The following CPA3 variants were observed in gnomAD, a reference collection of about 807,000 sequenced individuals.
The protein encoded by CPA3 is carboxypeptidase A3, also known as mast cell carboxypeptidase A.
A neutral mutation model predicts 55.8 loss-of-function variants in CPA3; 52 were observed. That is an observed-to-expected ratio of 0.93 (90% confidence interval 0.75 to 1.17). The LOEUF (loss-of-function observed/expected upper bound fraction) is 1.17. Among genes scored for constraint, CPA3 ranks in the 50% most tolerant of loss-of-function variants. The pLI is 0.00. For synonymous variants in CPA3, 179 were observed against 171.2 expected (o/e 1.05, Z -0.36); for missense variants, 547 against 509.1 (o/e 1.07, Z -0.72).
chr3:148,882,387 A>C, intron 7 of CPA3, 118 bp from the exon 8 acceptor site: 1 of 651,832 alleles, frequency 1.5e-6, no homozygotes, highest in Non-Finnish European at 2.6e-6. Flanking sequence ...AAAGGGCCTC[A>C]AGTTAACTAG....
In CPA3 at chr3:148,881,517, G is replaced by T; in HGVS notation, c.577-5G>T. On this transcript the variant is annotated splice_polypyrimidine_tract_variant and splice_region_variant and intron_variant, in intron 6 of 10. Transcript: ENST00000296046. ...AATAGCTTAATTTTTTTTCACCTCC[G>T]ACAGGCAACCAAAACTTATGGGAGA... 1 of 1,598,826 alleles carries T rather than the reference G, an allele frequency of 6.3e-7. No individual in the cohort carries two copies. Among genetic ancestry groups the T allele is most frequent in the Non-Finnish European group, 8.6e-7 (1 of 1,169,090 alleles).
At chr3:148,872,819 A>G (rs1714100957) in intron 3 of CPA3, among the ~76,000 whole-genome samples, 1 of 152,188 alleles carries the variant, frequency 6.6e-6, no homozygotes, top group South Asian at 2.1e-4. Flanking sequence ...GAAGGTAGGA[A>G]AGTGGGTTCT....
At chr3:148,879,986 GC>G (rs1714318900) in intron 6 of CPA3, 97 bp downstream of exon 6, 2 of 783,132 alleles carry the variant, frequency 2.6e-6, no homozygotes, top group Non-Finnish European at 4.4e-6. Context: ...ATTCCACTTA[GC>G]TAGAAGAGCC....
chr3:148,872,528 T>C (rs1422798759), intron 3 of CPA3, among the ~76,000 whole-genome samples: 2 of 152,158 alleles, frequency 1.3e-5, no homozygotes, highest in Non-Finnish European at 2.9e-5. Flanking sequence ...GCAAAAGAGA[T>C]CTATGCCAAA....
Position 148,878,425 on chromosome 3 carries a change from T to C in CPA3, c.270-16T>C, listed in dbSNP as rs374102630. The C allele has an allele frequency of 3.0e-5, 46 of 1,517,750 alleles. No homozygotes were observed. Among genetic ancestry groups the C allele is most frequent in the East Asian group, 1.8e-4 (8 of 44,366 alleles). The allele number at this position is 1,517,750 out of a possible 1,614,324, so 94.0% of individuals were successfully genotyped here. On this transcript the variant is annotated splice_polypyrimidine_tract_variant and intron_variant, in intron 3 of 10. Transcript: ENST00000296046. ...TCATGATAAAACATGTATTTTATCA[T>C]TCCCCTGTCAAACAGAATCTTGATT...
chr3:148,887,619 A>G (rs1479935289), intron 10 of CPA3, among the ~76,000 whole-genome samples: 3 of 152,202 alleles, frequency 2.0e-5, no homozygotes, highest in Non-Finnish European at 4.4e-5. Context: ...ATTAACTCAG[A>G]TCCTGGGAAG....
In CPA3 at chr3:148,878,448, A is replaced by T. The variant is rs1484749949; in HGVS notation, c.277A>T (p.Ile93Phe). The change falls in exon 4 of 11, where the codon ATT (isoleucine) becomes TTT (phenylalanine). Residue 93 changes from isoleucine to phenylalanine, a missense_variant. Physicochemically the swap from Ile to Phe is conservative, Grantham distance 21. Coordinates refer to ENST00000296046, the MANE Select transcript of CPA3 (RefSeq NM_001870.4). ...DQNKMHYEIL[I>F]HDLQEEIEKQ... Reference sequence around the variant, plus strand: ...CATTCCCCTGTCAAACAGAATCTTGATTCATGATCTACAAGAAGAGATTGA... The same window carrying T: ...CATTCCCCTGTCAAACAGAATCTTGTTTCATGATCTACAAGAAGAGATTGA... The T allele has an allele frequency of 6.2e-7, 1 of 1,604,980 alleles. No individual in the cohort carries two copies. Among genetic ancestry groups the T allele is most frequent in the Non-Finnish European group, 8.5e-7 (1 of 1,171,774 alleles).
chr3:148,880,162 T>C (rs1271305655), intron 6 of CPA3, among the ~76,000 whole-genome samples: 1 of 152,318 alleles, frequency 6.6e-6, no homozygotes, highest in South Asian at 2.1e-4. Context: ...TGTAGTCAAG[T>C]ATGGAAAATC....
At chr3:148,878,401 C>A in intron 3 of CPA3, 40 bp from the exon 4 acceptor site, 2 of 1,356,264 alleles carry the variant, frequency 1.5e-6, no homozygotes, top group Middle Eastern at 1.9e-4. Flanking sequence ...TTTCCTTTCT[C>A]ATGATAAAAC....
At chr3:148,873,912 G>A (rs1256559130) in intron 3 of CPA3, among the ~76,000 whole-genome samples, 2 of 152,168 alleles carry the variant, frequency 1.3e-5, no homozygotes, top group Non-Finnish European at 2.9e-5. Flanking sequence ...TCAATACTCA[G>A]TGATAATTAT....
chr3:148,888,167 T>C (rs535261164), intron 10 of CPA3, among the ~76,000 whole-genome samples: 73 of 152,376 alleles, frequency 4.8e-4, no homozygotes, highest in African/African-American at 1.8e-3. Flanking sequence ...CACTTTCGTA[T>C]TCCAAGCTGA....
In CPA3 at chr3:148,881,421, GACCT is replaced by G. The variant is rs1714363268; in HGVS notation, c.577-100_577-97del. ...AGGGAAAATATGCTTGAAAACATGT[GACCT>G]TGGGAAGTGACTCAAGTTATTACTA... On this transcript the variant is annotated intron_variant, in intron 6 of 10. Coordinates refer to ENST00000296046, the MANE Select transcript of CPA3 (RefSeq NM_001870.4). The G allele has an allele frequency of 9.0e-5, 57 of 634,564 alleles. 1 individual carries two copies. The South Asian group carries it at 1.3e-3, about 14-fold the overall frequency. 39.3% of individuals were successfully genotyped at this position (634,564 alleles called of 1,614,324 possible). A position where few individuals can be genotyped will look rare whatever the true frequency, so the allele number is the denominator to read the frequency against.
At chr3:148,892,479 C>T (rs1032330781) in intron 10 of CPA3, among the ~76,000 whole-genome samples, 2 of 151,840 alleles carry the variant, frequency 1.3e-5, no homozygotes, top group African/African-American at 4.8e-5. Flanking sequence ...ATGGTGAAAC[C>T]CGGTCTCTAC....
rs979801474 is a variant in CPA3 at position 148,878,272 on chromosome 3, C to T, written c.270-169C>T. Among the ~76,000 whole-genome samples, 16 of 152,110 alleles carry T rather than the reference C, an allele frequency of 1.1e-4. No homozygotes were observed. The South Asian group carries it at 2.7e-3, about 26-fold the overall frequency. On this transcript the variant is annotated intron_variant, in intron 3 of 10. Transcript: ENST00000296046. ...TCTAGATAAATGGGGAGATCAGAAG[C>T]CAGACACATGATATGTCTAAAGGAG...
chr3:148,890,694 T>C (rs1714643537), intron 10 of CPA3, among the ~76,000 whole-genome samples: 1 of 152,214 alleles, frequency 6.6e-6, no homozygotes, highest in East Asian at 1.9e-4. Context: ...TGAATACATT[T>C]AAATAATATT....
chr3:148,882,550 T>G lies in CPA3; in HGVS notation c.733T>G (p.Cys245Gly). The G allele has an allele frequency of 6.2e-7, 1 of 1,613,784 alleles. No homozygotes were observed. The highest frequency in any genetic ancestry group is 8.5e-7 in the Non-Finnish European group (1 of 1,179,756). The change falls in exon 8 of 11, where the codon TGC becomes GGC. Residue 245 changes from cysteine (C) to glycine (G), a missense_variant. Cys to Gly is a radical substitution (Grantham distance 159). Transcript: ENST00000296046. ...TCGTTCCAAGAACCAAAACTCCAAATGCATCGGCACTGACCTCAACAGGAA... is the reference window on the plus strand; with the variant it reads ...TCGTTCCAAGAACCAAAACTCCAAAGGCATCGGCACTGACCTCAACAGGAA... ...KNRSKNQNSKCIGTDLNRNFN... is the reference protein window; with the variant it reads ...KNRSKNQNSKGIGTDLNRNFN...
At chr3:148,887,618 G>A (rs897023755) in intron 10 of CPA3, among the ~76,000 whole-genome samples, 37 of 152,164 alleles carry the variant, frequency 2.4e-4, no homozygotes, top group African/African-American at 8.9e-4. Flanking sequence ...AATTAACTCA[G>A]ATCCTGGGAA....
At chr3:148,883,562 C>A (rs373386353) in intron 8 of CPA3, 51 bp from the exon 9 acceptor site, 84 of 1,409,604 alleles carry the variant, frequency 6.0e-5, no homozygotes, top group Middle Eastern at 3.5e-4. Context: ...GAGGCAGGAG[C>A]TATATGGATG....
In CPA3 at chr3:148,869,011, G is replaced by A; in HGVS notation, c.241G>A (p.Ala81Thr). Reference protein sequence around the residue: ...SEKESQAIQSALDQNKMHYEI... With the variant: ...SEKESQAIQSTLDQNKMHYEI... The stretch of plus-strand genomic sequence containing the variant: ...GAAGGAATCCCAAGCCATCCAGTCT[G>A]CCTTGGATCAAAATAAAATGCACTA... Residue 81 changes from alanine (A) to threonine (T), a missense_variant, in exon 3 of 11, where the codon GCC becomes ACC. By Grantham distance (58) the Ala-to-Thr change is moderately conservative (BLOSUM62 0). Coordinates refer to ENST00000296046, the MANE Select transcript of CPA3 (RefSeq NM_001870.4). The A allele has an allele frequency of 6.2e-7, 1 of 1,613,980 alleles. No individual in the cohort carries two copies.
Sources: allele counts gnomAD v4.1 joint callset (sites outside exome capture counted in the v4.1 genomes callset), GRCh38; gene constraint gnomAD v4.1.1; transcripts MANE v1.5; gene names NCBI Gene and HGNC (gene_info 2026-07-23, HGNC 2026-07-21).